Variants in CHAT observed in about 807,000 individuals in gnomAD.
CHAT encodes acetyl CoA:choline O-acetyltransferase.
Under a neutral mutation model 76.9 loss-of-function variants are expected in CHAT, and 61 were observed. The observed-to-expected ratio is 0.79, with a 90% CI of 0.65 to 0.98. CHAT has a LOEUF of 0.98. CHAT is among the 50% of genes least tolerant of loss of function. The pLI is 0.00. For synonymous variants in CHAT, 407 were observed against 397.4 expected (o/e 1.02, Z -0.29); for missense variants, 946 against 986.9 (o/e 0.96, Z 0.56).
chr10:49,658,907 T>C (rs1461461069), intron 13 of CHAT, among the ~76,000 whole-genome samples: 4 of 152,090 alleles, frequency 2.6e-5, no homozygotes, highest in Non-Finnish European at 4.4e-5. Context: ...AGTGGAAGAA[T>C]TAGAAGATAA....
At chr10:49,659,196 TGAGA>T (rs1205170438) in intron 13 of CHAT, among the ~76,000 whole-genome samples, 5 of 152,326 alleles carry the variant, frequency 3.3e-5, no homozygotes, top group Admixed American at 3.3e-4. Flanking sequence ...CTTCAAATTC[TGAGA>T]GAAAGTGACC....
Position 49,665,045 on chromosome 10 carries a change from G to A in CHAT, c.2246G>A (p.Ter749=). ...ATRPSQGHQP[*] is the part of the protein sequence containing the mutation. ...AGGCCCAGCCAGGGACACCAACCTTGACTCCTGCCACTAGGTTTCACCTCC... is the reference window on the plus strand; with the variant it reads ...AGGCCCAGCCAGGGACACCAACCTTAACTCCTGCCACTAGGTTTCACCTCC... Residue 749 remains the stop codon, a stop_retained_variant, in exon 15 of 15, where the codon TGA becomes TAA. Coordinates refer to ENST00000337653, the MANE Select transcript of CHAT (RefSeq NM_020549.5). The A allele has an allele frequency of 1.2e-6, 2 of 1,613,638 alleles. No individual in the cohort carries two copies. The highest frequency in any genetic ancestry group is 1.3e-5 in the African/African-American group (1 of 75,020).
intron 11 of CHAT, 70 bp downstream of exon 11, chr10:49,652,076 A>G (rs1439682459): frequency 1.3e-5 from 21 of 1,604,984 alleles, no homozygotes; most frequent in Non-Finnish European, 1.8e-5. Context: ...TCTAGGGTCT[A>G]GAAGCATCCT....
At position 49,664,753 on chromosome 10, in the gene CHAT, C is replaced by G. The variant is rs73321467; in HGVS notation, c.1978-24C>G. ...GCGGGCTGCATTCCAGAACAAGCAG[C>G]TCCTGACCTGTCCTCTCCTCCAGGT... On this transcript the variant is annotated intron_variant, in intron 14 of 14. Transcript: ENST00000337653. 1.1e-3 allele frequency: 1,785 copies of G among 1,614,202 alleles called. 14 individuals are homozygous for G. In the African/African-American group the frequency reaches 0.02, roughly 18 times the overall value.
chr10:49,624,142 C>T (rs1838832149), intron 5 of CHAT, among the ~76,000 whole-genome samples: 1 of 152,236 alleles, frequency 6.6e-6, no homozygotes, highest in African/African-American at 2.4e-5. Context: ...CACTGGGCCT[C>T]AGCCCCACTG....
At chr10:49,663,025 G>A (rs41302989) in intron 14 of CHAT, among the ~76,000 whole-genome samples, 3 of 152,252 alleles carry the variant, frequency 2.0e-5, no homozygotes, top group Non-Finnish European at 4.4e-5. Context: ...TCCAGCCCAG[G>A]AGTTTGAGAC....
At chr10:49,643,951 G>A (rs539471248) in intron 7 of CHAT, among the ~76,000 whole-genome samples, 3 of 152,380 alleles carry the variant, frequency 2.0e-5, no homozygotes, top group Admixed American at 1.3e-4. Flanking sequence ...AAGCACGGTG[G>A]TCTGGGAATG....
At chr10:49,652,066 T>A in intron 11 of CHAT, 60 bp downstream of exon 11, 2 of 1,611,356 alleles carry the variant, frequency 1.2e-6, no homozygotes, top group South Asian at 1.1e-5. Flanking sequence ...TGCTGTAGGA[T>A]CTAGGGTCTA....
At chr10:49,616,659 C>A in intron 2 of CHAT, 57 bp downstream of exon 2, 1 of 1,236,346 alleles carries the variant, frequency 8.1e-7, no homozygotes, top group Non-Finnish European at 1.2e-6. Flanking sequence ...CATGCCCTTG[C>A]TTCTAGAACA....
chr10:49,645,271 G>C (rs978528839), intron 7 of CHAT, among the ~76,000 whole-genome samples: 1 of 152,162 alleles, frequency 6.6e-6, no homozygotes, highest in East Asian at 1.9e-4. Flanking sequence ...CCCACACACA[G>C]AGCACTCTCA....
At chr10:49,656,879 G>A (rs1367350112) in intron 13 of CHAT, among the ~76,000 whole-genome samples, 1 of 152,076 alleles carries the variant, frequency 6.6e-6, no homozygotes, top group East Asian at 1.9e-4. Flanking sequence ...AGGGGAAGTC[G>A]TAAACTCCTC....
intron 10 of CHAT, among the ~76,000 whole-genome samples, chr10:49,650,256 G>A (rs760184684): frequency 2.6e-4 from 40 of 152,086 alleles, no homozygotes; most frequent in Non-Finnish European, 2.5e-4. Context: ...CACCCGGCCC[G>A]TGGTAAGGCT....
chr10:49,638,610 A>T lies in CHAT; in HGVS notation c.1112-7895A>T, dbSNP rs190144818. On this transcript the variant is annotated intron_variant, in intron 7 of 14. Coordinates refer to ENST00000337653, the MANE Select transcript of CHAT (RefSeq NM_020549.5). ...TTATCTGTTTGTATAGCTTTTTCTAACAGTTTCTGTAGGTATTACCTTGTA... is the reference window on the plus strand; with the variant it reads ...TTATCTGTTTGTATAGCTTTTTCTATCAGTTTCTGTAGGTATTACCTTGTA... 2.6e-3 allele frequency among the ~76,000 whole-genome samples: 396 copies of T among 152,266 alleles called. 7 individuals carry two copies. The highest frequency in any genetic ancestry group is 1.0e-3 in the Non-Finnish European group (70 of 68,018).
upstream of CHAT, among the ~76,000 whole-genome samples, chr10:49,609,827 G>T (rs985728173): frequency 3.3e-5 from 5 of 152,196 alleles, no homozygotes; most frequent in African/African-American, 1.2e-4. Flanking sequence ...CAATCCAGCT[G>T]CGAGAACAGA....
At chr10:49,654,407 A>C (rs143278434) in intron 11 of CHAT, among the ~76,000 whole-genome samples, 1 of 151,872 alleles carries the variant, frequency 6.6e-6, no homozygotes, top group Non-Finnish European at 1.5e-5. Context: ...TTCCTCCCCC[A>C]CTCCCAACAT....
rs2132736426 is a variant in CHAT at position 49,627,853 on chromosome 10, T to C, written c.1111+68T>C. The C allele has an allele frequency of 2.6e-6, 4 of 1,540,998 alleles. No individual in the cohort carries two copies. In the South Asian group the frequency reaches 4.6e-5, roughly 18 times the overall value. ...TCGTGCCCATTGGCTTTCCCTCCTC[T>C]AGGGTTGGGCCAGGGCCTCATCCCC... On this transcript the variant is annotated intron_variant, in intron 7 of 14. Coordinates refer to ENST00000337653, the MANE Select transcript of CHAT (RefSeq NM_020549.5).
intron 5 of CHAT, among the ~76,000 whole-genome samples, chr10:49,624,579 A>G (rs1035841686): frequency 2.0e-5 from 3 of 152,156 alleles, no homozygotes; most frequent in African/African-American, 7.2e-5. Context: ...CTACCTACAC[A>G]TCCTAGGACT....
chr10:49,620,015 C>A, intron 3 of CHAT, 99 bp downstream of exon 3: 3 of 1,251,648 alleles, frequency 2.4e-6, no homozygotes, highest in Non-Finnish European at 3.4e-6. Flanking sequence ...AAAGACAGGG[C>A]AGAAGGAGAG....
chr10:49,652,466 C>T (rs1313844126), intron 11 of CHAT, among the ~76,000 whole-genome samples: 2 of 152,304 alleles, frequency 1.3e-5, no homozygotes, highest in African/African-American at 4.8e-5. Context: ...TCTGCCCTTT[C>T]TCGTATCCCC....
Sources: gnomAD v4.1 joint callset for allele counts (sites outside exome capture counted in the v4.1 genomes callset) on GRCh38, gnomAD v4.1.1 for gene constraint, MANE v1.5 for transcripts, NCBI Gene and HGNC (gene_info 2026-07-23, HGNC 2026-07-21) for gene names.